The following EYS variants were observed in gnomAD, a reference collection of about 807,000 sequenced individuals.
The protein encoded by EYS is EGF-like photoreceptor maintenance factor, also known as protein eyes shut homolog.
In EYS, 250 loss-of-function variants were observed where a neutral mutation model predicts 282.1. That is an observed-to-expected ratio of 0.89 (90% CI 0.80 to 0.98). The LOEUF (loss-of-function observed/expected upper bound fraction) is 0.98, where lower values mean the gene tolerates loss of function less well. Among genes scored for constraint, EYS ranks in the 50% least tolerant of loss-of-function variants. The pLI, the probability that EYS is intolerant of heterozygous loss-of-function variation, is 0.00. For missense variants in EYS, 4,016 were observed against 3,709.0 expected, an observed-to-expected ratio of 1.08 and a Z score of -2.15; for synonymous variants, 1,355 against 1,282.9, an observed-to-expected ratio of 1.06 and a Z score of -1.20.
In EYS at chr6:64,313,742, C is replaced by T. The variant is rs191347729; in HGVS notation, c.6079-6660G>A. Among the ~76,000 whole-genome samples the T allele has an allele frequency of 2.7e-3, 409 of 152,146 alleles. 3 individuals are homozygous for T. Among genetic ancestry groups the T allele is most frequent in the African/African-American group, 9.2e-3 (380 of 41,518 alleles). ...ATTCTTAAAGAAAAGAATTTTCAGT[C>T]GAGAATTTCATATCCAGCCAACCTA... On this transcript the variant is annotated intron_variant, in intron 29 of 42. Transcript: ENST00000503581.
At chr6:64,310,038 C>T (rs956906722) in intron 29 of EYS, among the ~76,000 whole-genome samples, 3 of 147,926 alleles carry the variant, frequency 2.0e-5, no homozygotes, top group Non-Finnish European at 4.4e-5. Flanking sequence ...TCACACCAGT[C>T]CAAATGGCTA....
intron 13 of EYS, among the ~76,000 whole-genome samples, chr6:65,029,355 A>G (rs941973185): frequency 1.1e-4 from 16 of 152,120 alleles, no homozygotes; most frequent in African/African-American, 3.6e-4. Context: ...ATGTCTATAT[A>G]TTGATATACA....
intron 26 of EYS, among the ~76,000 whole-genome samples, chr6:64,461,702 A>G (rs182951585): frequency 3.3e-5 from 5 of 152,344 alleles, no homozygotes; most frequent in Admixed American, 3.3e-4. Context: ...TCACAGTAAG[A>G]AGAGTGGATC....
intron 30 of EYS, among the ~76,000 whole-genome samples, chr6:64,279,559 T>C (rs1768232542): frequency 6.6e-6 from 1 of 152,178 alleles, no homozygotes; most frequent in East Asian, 1.9e-4. Flanking sequence ...GGCTCTCAGC[T>C]TCATTTCCTA....
In EYS at chr6:63,896,710, C is replaced by A. The variant is rs115936272; in HGVS notation, c.7056-32352G>T. On this transcript the variant is annotated intron_variant, in intron 35 of 42. Transcript: ENST00000503581. ...CAAAATTCTCTGTGCTCTGCCTATT[C>A]ATCCATTCCTCCCTGCTCTCCTCTG... Among the ~76,000 whole-genome samples the A allele has an allele frequency of 6.6e-3, 1,002 of 152,332 alleles. 12 individuals carry two copies. The highest frequency in any genetic ancestry group is 0.021 in the African/African-American group (888 of 41,570).
chr6:65,666,359 G>A (rs760911582), intron 1 of EYS, among the ~76,000 whole-genome samples: 1 of 151,874 alleles, frequency 6.6e-6, no homozygotes, highest in African/African-American at 2.4e-5. Flanking sequence ...AGAATAATCT[G>A]TATTGGCTCC....
chr6:64,334,724 G>A (rs1770778560), intron 29 of EYS, among the ~76,000 whole-genome samples: 1 of 152,162 alleles, frequency 6.6e-6, no homozygotes, highest in African/African-American at 2.4e-5. Flanking sequence ...GCTTCAGAAG[G>A]AAGAGTTTGT....
intron 22 of EYS, among the ~76,000 whole-genome samples, chr6:64,744,589 A>G (rs1032474788): frequency 6.6e-6 from 1 of 152,200 alleles, no homozygotes; most frequent in African/African-American, 2.4e-5. Context: ...TAACAAAATT[A>G]GTTATTAAAA....
intron 26 of EYS, among the ~76,000 whole-genome samples, chr6:64,495,353 G>A (rs1424793862): frequency 1.3e-5 from 2 of 151,682 alleles, no homozygotes; most frequent in Non-Finnish European, 1.5e-5. Context: ...TCCTAAGTGA[G>A]GATCTCAACT....
intron 1 of EYS, among the ~76,000 whole-genome samples, chr6:65,703,987 G>A (rs1769778301): frequency 6.6e-6 from 1 of 152,000 alleles, no homozygotes; most frequent in South Asian, 2.1e-4. Context: ...TTGAAAGTGG[G>A]GGTCGCTGAG....
intron 26 of EYS, among the ~76,000 whole-genome samples, chr6:64,490,406 T>G (rs1466071787): frequency 6.6e-6 from 1 of 151,010 alleles, no homozygotes; most frequent in Non-Finnish European, 1.5e-5. Context: ...TGTTTAATTT[T>G]GTCATACAAA....
At chr6:65,048,915 T>C (rs1186918907) in intron 13 of EYS, among the ~76,000 whole-genome samples, 1 of 151,868 alleles carries the variant, frequency 6.6e-6, no homozygotes, top group East Asian at 1.9e-4. Flanking sequence ...ACCTCTACAA[T>C]AGACCACAGC....
chr6:64,257,744 G>A (rs9342191), intron 30 of EYS, among the ~76,000 whole-genome samples: 104,375 of 151,650 alleles, frequency 0.69, 35,935 homozygotes, highest in South Asian at 0.71. Context: ...TGCTCACACC[G>A]CTGCTCTGCA....
At chr6:65,688,365 A>C (rs572975052) in intron 1 of EYS, among the ~76,000 whole-genome samples, 1 of 152,340 alleles carries the variant, frequency 6.6e-6, no homozygotes, top group East Asian at 1.9e-4. Flanking sequence ...GGTGCTGGGA[A>C]AACTGGCTGG....
chr6:64,902,732 T>C (rs1019348858), intron 16 of EYS, among the ~76,000 whole-genome samples: 3 of 152,154 alleles, frequency 2.0e-5, no homozygotes, highest in African/African-American at 4.8e-5. Context: ...AATACTCCAC[T>C]AAATCCCCTG....
At chr6:64,313,202 C>A (rs113014846) in intron 29 of EYS, among the ~76,000 whole-genome samples, 1,637 of 152,180 alleles carry the variant, frequency 0.011, 31 homozygotes, top group African/African-American at 0.037. Context: ...CCTGATGGAG[C>A]TGAAAAACAC....
intron 22 of EYS, among the ~76,000 whole-genome samples, chr6:64,766,567 G>A (rs140775127): frequency 0.047 from 6,558 of 139,200 alleles, 249 homozygotes; most frequent in East Asian, 0.2. Context: ...GAGAGACGGA[G>A]TTTGCAGTGA....
At chr6:63,749,146 T>C (rs556371729) in intron 41 of EYS, among the ~76,000 whole-genome samples, 34 of 152,324 alleles carry the variant, frequency 2.2e-4, no homozygotes, top group African/African-American at 7.7e-4. Context: ...CTCTTGACAC[T>C]GTCTTAGCTG....
intron 22 of EYS, among the ~76,000 whole-genome samples, chr6:64,634,751 A>C (rs939017651): frequency 6.6e-6 from 1 of 152,218 alleles, no homozygotes; most frequent in Non-Finnish European, 1.5e-5. Context: ...AATTTAATAA[A>C]TTCAAACTAC....
Sources: gnomAD v4.1 joint callset for allele counts (sites outside exome capture counted in the v4.1 genomes callset) on GRCh38, gnomAD v4.1.1 for gene constraint, MANE v1.5 for transcripts, NCBI Gene and HGNC (gene_info 2026-07-23, HGNC 2026-07-21) for gene names.